Variants in SLC25A21 observed in about 807,000 individuals in gnomAD.
SLC25A21 encodes the protein mitochondrial 2-oxodicarboxylate carrier.
In SLC25A21, 47 loss-of-function variants were observed where a neutral mutation model predicts 43.8. The observed-to-expected ratio is 1.07, with a 90% CI of 0.85 to 1.37. The LOEUF (loss-of-function observed/expected upper bound fraction) is 1.37. SLC25A21 is among the 40% of genes most tolerant of loss of function. SLC25A21 has a pLI of 0.00. For synonymous variants in SLC25A21, 131 were observed against 121.3 expected, an observed-to-expected ratio of 1.08 and a Z score of -0.52; for missense variants, 352 against 350.2, an observed-to-expected ratio of 1.00 and a Z score of -0.04.
At chr14:36,875,041 GT>G in intron 1 of SLC25A21, 37 bp from the exon 2 acceptor site, 1 of 1,499,020 alleles carries the variant, frequency 6.7e-7, no homozygotes, top group Non-Finnish European at 9.3e-7. Flanking sequence ...AAACACTTAT[GT>G]AAACACTGGT....
At chr14:36,748,384 T>A (rs141849219) in intron 3 of SLC25A21, among the ~76,000 whole-genome samples, 262 of 152,318 alleles carry the variant, frequency 1.7e-3, no homozygotes, top group Middle Eastern at 3.4e-3. Flanking sequence ...TCAGTTTTTT[T>A]AAAAAGTGCC....
intron 1 of SLC25A21, among the ~76,000 whole-genome samples, chr14:37,007,414 C>T (rs898407985): frequency 1.3e-5 from 2 of 151,942 alleles, no homozygotes; most frequent in South Asian, 4.2e-4. Context: ...ACCAGCCTGG[C>T]CAATATGGTT....
At chr14:36,913,113 C>CA (rs11418337) in intron 1 of SLC25A21, among the ~76,000 whole-genome samples, 114,883 of 152,098 alleles carry the variant, frequency 0.76, 44,357 homozygotes, top group African/African-American at 0.89. Flanking sequence ...CTTTTCATTT[C>CA]AAAGGTGTTT....
intron 7 of SLC25A21, among the ~76,000 whole-genome samples, chr14:36,700,084 C>T (rs1338226243): frequency 6.6e-6 from 1 of 152,092 alleles, no homozygotes; most frequent in East Asian, 1.9e-4. Flanking sequence ...CTTGGAACAC[C>T]CCACCAAGTT....
chr14:37,073,947 T>G (rs1799026829), intron 1 of SLC25A21, among the ~76,000 whole-genome samples: 1 of 151,724 alleles, frequency 6.6e-6, no homozygotes, highest in South Asian at 2.1e-4. Context: ...AAAAAATCAT[T>G]TTGTGCATCT....
intron 1 of SLC25A21, among the ~76,000 whole-genome samples, chr14:36,961,358 C>T (rs1185023229): frequency 6.6e-6 from 1 of 152,014 alleles, no homozygotes; most frequent in Non-Finnish European, 1.5e-5. Context: ...ACTACAGGTG[C>T]CTGCCACCGC....
At chr14:37,023,756 T>C (rs1961035878) in intron 1 of SLC25A21, among the ~76,000 whole-genome samples, 1 of 151,920 alleles carries the variant, frequency 6.6e-6, no homozygotes, top group Admixed American at 6.6e-5. Flanking sequence ...TGATTAACAA[T>C]TCTCTCATGT....
chr14:36,873,830 T>TGTAA (rs1890443376), intron 2 of SLC25A21, among the ~76,000 whole-genome samples: 1 of 152,136 alleles, frequency 6.6e-6, no homozygotes, highest in Non-Finnish European at 1.5e-5. Flanking sequence ...CTCTCTGTCA[T>TGTAA]GTAAGTATAC....
At chr14:37,157,443 T>C (rs1448295640) in intron 1 of SLC25A21, among the ~76,000 whole-genome samples, 1 of 152,190 alleles carries the variant, frequency 6.6e-6, no homozygotes, top group Non-Finnish European at 1.5e-5. Context: ...AGAGGAACTT[T>C]TGAAACTATT....
chr14:37,068,951 G>A (rs937696981), intron 1 of SLC25A21, among the ~76,000 whole-genome samples: 11 of 152,158 alleles, frequency 7.2e-5, no homozygotes. Flanking sequence ...GAGGCGGGCA[G>A]ATAACGAGGT....
chr14:36,949,462 C>G (rs530381542), intron 1 of SLC25A21, among the ~76,000 whole-genome samples: 1 of 152,272 alleles, frequency 6.6e-6, no homozygotes, highest in South Asian at 2.1e-4. Context: ...TTAAACTTGT[C>G]TTTAAAGCAC....
intron 1 of SLC25A21, among the ~76,000 whole-genome samples, chr14:37,011,646 C>A (rs1025515697): frequency 3.3e-5 from 5 of 152,100 alleles, no homozygotes; most frequent in African/African-American, 1.2e-4. Context: ...TCACTACCAC[C>A]ATCATTATCT....
At chr14:37,091,040 T>C (rs1469281943) in intron 1 of SLC25A21, among the ~76,000 whole-genome samples, 1 of 152,234 alleles carries the variant, frequency 6.6e-6, no homozygotes, top group South Asian at 2.1e-4. Context: ...ACTTTTGATT[T>C]ATTAACATAG....
chr14:36,851,153 A>AT (rs1275983137), intron 2 of SLC25A21, among the ~76,000 whole-genome samples: 7 of 152,100 alleles, frequency 4.6e-5, no homozygotes, highest in Non-Finnish European at 1.0e-4. Flanking sequence ...TAAACTTGGT[A>AT]TTTTTTTATG....
At chr14:36,789,110 A>G (rs2138394600) in intron 3 of SLC25A21, among the ~76,000 whole-genome samples, 2 of 152,352 alleles carry the variant, frequency 1.3e-5, no homozygotes, top group South Asian at 4.1e-4. Flanking sequence ...AATTTCATTT[A>G]TAAGCTGATG....
chr14:36,973,480 C>T (rs1011257455), intron 1 of SLC25A21, among the ~76,000 whole-genome samples: 3 of 152,172 alleles, frequency 2.0e-5, no homozygotes, highest in African/African-American at 7.2e-5. Context: ...TGACTGTCTG[C>T]TTCCATTACC....
chr14:36,820,290 TGCCATCC>T (rs1432083698), intron 2 of SLC25A21, among the ~76,000 whole-genome samples: 2 of 152,212 alleles, frequency 1.3e-5, no homozygotes, highest in African/African-American at 4.8e-5. Context: ...TACTTTAATG[TGCCATCC>T]GTCAAAATGT....
chr14:36,798,498 T>G (rs2138415227), intron 3 of SLC25A21, among the ~76,000 whole-genome samples: 1 of 152,238 alleles, frequency 6.6e-6, no homozygotes, highest in East Asian at 1.9e-4. Context: ...AAACACTCAT[T>G]TTTGCTCATA....
chr14:36,878,260 G>A (rs1890605687), intron 1 of SLC25A21, among the ~76,000 whole-genome samples: 1 of 152,076 alleles, frequency 6.6e-6, no homozygotes, highest in Admixed American at 6.6e-5. Flanking sequence ...AAGGAAAATG[G>A]GACCTAAATG....
Sources: allele counts gnomAD v4.1 joint callset (sites outside exome capture counted in the v4.1 genomes callset), GRCh38; gene constraint gnomAD v4.1.1; transcripts MANE v1.5; gene names NCBI Gene and HGNC (gene_info 2026-07-23, HGNC 2026-07-21).